Variants in CADPS observed in about 807,000 individuals in gnomAD.
CADPS encodes the protein calcium-dependent secretion activator 1.
Under a neutral mutation model 167.3 loss-of-function variants are expected in CADPS, and 57 were observed. The observed-to-expected ratio is 0.34, with a 90% CI of 0.28 to 0.42. The LOEUF is 0.42. CADPS is among the 20% of genes least tolerant of loss of function. The probability of loss-of-function intolerance (pLI) is 1.00; values close to 1 mark genes in which losing one functional copy is unlikely to be tolerated. For missense variants in CADPS, 1,414 were observed against 1,738.1 expected, an observed-to-expected ratio of 0.81 and a Z score of 3.32; for synonymous variants, 676 against 635.3, an observed-to-expected ratio of 1.06 and a Z score of -0.96.
At chr3:62,805,353 C>T (rs534452752) in intron 1 of CADPS, among the ~76,000 whole-genome samples, 10 of 152,310 alleles carry the variant, frequency 6.6e-5, no homozygotes, top group African/African-American at 2.4e-4. Flanking sequence ...CCTTATCTCC[C>T]TTTGTCTGAG....
intron 13 of CADPS, among the ~76,000 whole-genome samples, chr3:62,532,073 C>T (rs967181308): frequency 1.3e-5 from 2 of 152,194 alleles, no homozygotes; most frequent in African/African-American, 4.8e-5. Context: ...CTTTGCCTTC[C>T]AGCTTCACCT....
At chr3:62,870,811 A>T (rs2082503681) in intron 1 of CADPS, among the ~76,000 whole-genome samples, 1 of 152,166 alleles carries the variant, frequency 6.6e-6, no homozygotes, top group African/African-American at 2.4e-5. Flanking sequence ...CCCTCACTAT[A>T]AGTAGCTAGT....
At chr3:62,448,722 T>C (rs1165592967) in intron 26 of CADPS, among the ~76,000 whole-genome samples, 1 of 152,142 alleles carries the variant, frequency 6.6e-6, no homozygotes, top group African/African-American at 2.4e-5. Flanking sequence ...GAAGCAATTC[T>C]ACTGCCTCAG....
intron 26 of CADPS, among the ~76,000 whole-genome samples, chr3:62,448,192 G>C (rs984087992): frequency 6.6e-6 from 1 of 152,170 alleles, no homozygotes; most frequent in Non-Finnish European, 1.5e-5. Context: ...TCGGTGGTCA[G>C]AGCAGGTGCT....
intron 6 of CADPS, among the ~76,000 whole-genome samples, chr3:62,608,877 C>G (rs964851932): frequency 2.6e-5 from 4 of 152,168 alleles, no homozygotes; most frequent in Admixed American, 2.6e-4. Context: ...TGAATGCCAA[C>G]TTGTACGCCT....
At chr3:62,813,088 T>C (rs1027129616) in intron 1 of CADPS, among the ~76,000 whole-genome samples, 1 of 152,192 alleles carries the variant, frequency 6.6e-6, no homozygotes, top group South Asian at 2.1e-4. Context: ...ACCAAAGCCA[T>C]TTTTTACAGA....
intron 1 of CADPS, among the ~76,000 whole-genome samples, chr3:62,864,296 T>C (rs1321922078): frequency 6.6e-6 from 1 of 152,158 alleles, no homozygotes; most frequent in African/African-American, 2.4e-5. Flanking sequence ...GATTTGCAAA[T>C]TTTAAGTGTA....
intron 1 of CADPS, among the ~76,000 whole-genome samples, chr3:62,804,191 GC>G (rs2152824121): frequency 6.6e-6 from 1 of 152,234 alleles, no homozygotes; most frequent in Non-Finnish European, 1.5e-5. Context: ...TGTCTGTACT[GC>G]TTAATTCAAG....
chr3:62,624,531 C>A lies in CADPS; in HGVS notation c.1325+21191G>T, dbSNP rs1579053174. On this transcript the variant is annotated intron_variant, in intron 6 of 29. Transcript: ENST00000383710. The stretch of plus-strand genomic sequence containing the variant: ...AAACCTATTCCAAAATGTCTCCAGT[C>A]TCTTAAAGAATCACTGGAAAAAAAA... Among the ~76,000 whole-genome samples, 3 of 151,156 alleles carry A rather than the reference C, an allele frequency of 2.0e-5. No homozygotes were observed. In the Middle Eastern group the frequency reaches 0.01, roughly 521 times the overall value.
intron 9 of CADPS, among the ~76,000 whole-genome samples, chr3:62,560,666 G>C (rs2078992036): frequency 6.6e-6 from 1 of 152,194 alleles, no homozygotes; most frequent in South Asian, 2.1e-4. Context: ...ACTTCTGAGG[G>C]AACAGTCAGC....
chr3:62,680,521 C>T (rs563743286), intron 3 of CADPS, among the ~76,000 whole-genome samples: 1 of 152,176 alleles, frequency 6.6e-6, no homozygotes, highest in South Asian at 2.1e-4. Flanking sequence ...CTGTCCTCCT[C>T]TGTCTGGCAG....
intron 1 of CADPS, among the ~76,000 whole-genome samples, chr3:62,771,286 A>G (rs2088658760): frequency 1.3e-5 from 2 of 152,304 alleles, no homozygotes; most frequent in South Asian, 4.1e-4. Context: ...TGGCGATATA[A>G]CAGTATCAAG....
intron 13 of CADPS, among the ~76,000 whole-genome samples, chr3:62,530,018 G>A (rs78931015): frequency 0.024 from 3,577 of 152,198 alleles, 57 homozygotes; most frequent in Middle Eastern, 0.061. Flanking sequence ...TTATAAACCC[G>A]CAAAGAAAGG....
chr3:62,474,381 T>TATTTTCTGAGA (rs2061003631), intron 23 of CADPS, 61 bp from the exon 24 acceptor site: 2 of 1,530,632 alleles, frequency 1.3e-6, no homozygotes, highest in Admixed American at 1.7e-5. Flanking sequence ...GTGGAGGAGA[T>TATTTTCTGAGA]ATTTTCTGAG....
intron 3 of CADPS, among the ~76,000 whole-genome samples, chr3:62,695,962 C>A (rs1261143954): frequency 1.3e-5 from 2 of 152,096 alleles, no homozygotes. Context: ...ATTCTGAACG[C>A]TCCCACGTAT....
intron 3 of CADPS, among the ~76,000 whole-genome samples, chr3:62,749,085 T>C (rs1157227226): frequency 6.6e-6 from 1 of 152,200 alleles, no homozygotes; most frequent in Non-Finnish European, 1.5e-5. Flanking sequence ...CCAACACTGA[T>C]TCATAATAAA....
chr3:62,474,441 T>A, intron 23 of CADPS, 121 bp from the exon 24 acceptor site: 1 of 836,806 alleles, frequency 1.2e-6, no homozygotes, highest in East Asian at 2.5e-5. Flanking sequence ...CAGTCAACAA[T>A]GACTTCACAT....
intron 1 of CADPS, among the ~76,000 whole-genome samples, chr3:62,808,028 C>T (rs1177621491): frequency 2.0e-5 from 3 of 151,924 alleles, no homozygotes; most frequent in African/African-American, 7.3e-5. Context: ...CGCACATCAC[C>T]ACACCCAGCT....
intron 28 of CADPS, among the ~76,000 whole-genome samples, chr3:62,407,534 C>G (rs570236012): frequency 6.6e-6 from 1 of 152,288 alleles, no homozygotes; most frequent in East Asian, 1.9e-4. Flanking sequence ...TGGGTAACCT[C>G]AAGGAAATTA....
Sources: allele counts gnomAD v4.1 joint callset (sites outside exome capture counted in the v4.1 genomes callset), GRCh38; gene constraint gnomAD v4.1.1; transcripts MANE v1.5; gene names NCBI Gene and HGNC (gene_info 2026-07-23, HGNC 2026-07-21).